Variants in ADAMTSL1 observed in about 807,000 individuals in gnomAD.
The protein encoded by ADAMTSL1 is ADAMTS like 1.
In ADAMTSL1, 126 loss-of-function variants were observed where a neutral mutation model predicts 201.8. That is an observed-to-expected ratio of 0.62 (90% CI 0.54 to 0.72). The LOEUF (loss-of-function observed/expected upper bound fraction) is 0.72, where lower values mean the gene tolerates loss of function less well. Ranked by LOEUF, ADAMTSL1 falls within the 30% of genes least tolerant of loss-of-function variation. The probability of loss-of-function intolerance (pLI) is 0.00; values close to 1 mark genes in which losing one functional copy is unlikely to be tolerated. For missense variants in ADAMTSL1, 2,679 were observed against 2,277.8 expected (o/e 1.18, Z -3.59); for synonymous variants, 1,121 against 903.4 (o/e 1.24, Z -4.32).
chr9:18,786,717 G>C (rs1216567391), intron 19 of ADAMTSL1, among the ~76,000 whole-genome samples: 1 of 152,126 alleles, frequency 6.6e-6, no homozygotes, highest in East Asian at 1.9e-4. Flanking sequence ...CAAAGAGTTG[G>C]GTTAGCAAGG....
intron 5 of ADAMTSL1, among the ~76,000 whole-genome samples, chr9:18,630,187 T>A (rs1161521480): frequency 6.6e-6 from 1 of 152,108 alleles, no homozygotes; most frequent in Non-Finnish European, 1.5e-5. Context: ...CCATGTTTGG[T>A]CTAGAGCTAA....
intron 2 of ADAMTSL1, among the ~76,000 whole-genome samples, chr9:18,329,749 C>T (rs575672909): frequency 5.3e-5 from 8 of 152,266 alleles, no homozygotes; most frequent in African/African-American, 1.9e-4. Context: ...GGTATTCATC[C>T]ATCAAAGCAT....
intron 2 of ADAMTSL1, among the ~76,000 whole-genome samples, chr9:18,387,826 CTCTGT>C (rs1216024166): frequency 6.6e-5 from 10 of 152,198 alleles, no homozygotes; most frequent in African/African-American, 2.2e-4. Context: ...TTCACATTTT[CTCTGT>C]TCTAATTTTT....
Position 18,514,098 on chromosome 9 carries a change from C to A in ADAMTSL1, c.191+9142C>A, listed in dbSNP as rs556120493. Among the ~76,000 whole-genome samples, 7 of 152,248 alleles carry A rather than the reference C, an allele frequency of 4.6e-5. No individual in the cohort carries two copies. In the East Asian group the frequency reaches 1.4e-3, roughly 29 times the overall value. On this transcript the variant is annotated intron_variant, in intron 2 of 28. Coordinates refer to ENST00000380548, the MANE Select transcript of ADAMTSL1 (RefSeq NM_001040272.6). ...ACATTGGGTAACATGGACATTTTAACAACATTACTCTTCCACTCCATGAAC... is the reference window on the plus strand; with the variant it reads ...ACATTGGGTAACATGGACATTTTAAAAACATTACTCTTCCACTCCATGAAC...
chr9:17,947,343 ACACC>A (rs1307383864), intron 1 of ADAMTSL1, among the ~76,000 whole-genome samples: 2 of 146,916 alleles, frequency 1.4e-5, no homozygotes, highest in African/African-American at 5.1e-5. Flanking sequence ...ACACACACAC[ACACC>A]CCACTATGCA....
chr9:18,669,461 T>C (rs1829677107), intron 9 of ADAMTSL1, among the ~76,000 whole-genome samples: 1 of 152,200 alleles, frequency 6.6e-6, no homozygotes. Context: ...AAAAAACTGT[T>C]TTCAGATCTG....
intron 7 of ADAMTSL1, among the ~76,000 whole-genome samples, chr9:18,642,219 G>T (rs938368431): frequency 6.6e-6 from 1 of 151,784 alleles, no homozygotes; most frequent in Non-Finnish European, 1.5e-5. Flanking sequence ...TTTCTTCAAG[G>T]CATGGCAGGA....
intron 19 of ADAMTSL1, among the ~76,000 whole-genome samples, chr9:18,785,396 G>C (rs1188112016): frequency 6.6e-6 from 1 of 152,138 alleles, no homozygotes; most frequent in Admixed American, 6.5e-5. Flanking sequence ...TTTAAAGATA[G>C]CCTTTTCTTC....
At chr9:17,934,124 A>G (rs1356771901) in intron 1 of ADAMTSL1, among the ~76,000 whole-genome samples, 1 of 152,178 alleles carries the variant, frequency 6.6e-6, no homozygotes, top group Non-Finnish European at 1.5e-5. Context: ...AGGACAAGGC[A>G]CTATCACCAT....
chr9:18,045,633 T>C (rs1821625441), intron 1 of ADAMTSL1, among the ~76,000 whole-genome samples: 1 of 152,120 alleles, frequency 6.6e-6, no homozygotes, highest in African/African-American at 2.4e-5. Context: ...TTCTCACATA[T>C]AGTGATAGGC....
intron 2 of ADAMTSL1, among the ~76,000 whole-genome samples, chr9:18,263,802 G>T (rs968420816): frequency 6.6e-6 from 1 of 152,108 alleles, no homozygotes; most frequent in Admixed American, 6.6e-5. Flanking sequence ...CCAAGGGAAG[G>T]CCACGTGAAC....
intron 1 of ADAMTSL1, among the ~76,000 whole-genome samples, chr9:18,063,115 G>A (rs1822534106): frequency 1.3e-5 from 2 of 152,108 alleles, no homozygotes; most frequent in African/African-American, 4.8e-5. Flanking sequence ...GATTGCTTGA[G>A]GCCAGGAGTT....
chr9:18,478,271 G>T (rs1298654286), intron 1 of ADAMTSL1, among the ~76,000 whole-genome samples: 1 of 152,110 alleles, frequency 6.6e-6, no homozygotes, highest in Admixed American at 6.5e-5. Flanking sequence ...TACTTGGGCT[G>T]TATTTTGCTT....
intron 2 of ADAMTSL1, among the ~76,000 whole-genome samples, chr9:18,439,516 G>A (rs187398655): frequency 1.7e-3 from 259 of 152,106 alleles, no homozygotes; most frequent in African/African-American, 6.1e-3. Context: ...ACAGGTGCGC[G>A]CCACCACACC....
chr9:18,777,191 C>T lies in ADAMTSL1; in HGVS notation c.2962C>T (p.Pro988Ser), dbSNP rs780015402. 6.2e-7 allele frequency: 1 copy of T among 1,612,878 alleles called. No individual in the cohort carries two copies. Among genetic ancestry groups the T allele is most frequent in the Non-Finnish European group, 8.5e-7 (1 of 1,179,804 alleles). The change falls in exon 19 of 29, where the codon CCG (proline) becomes TCG (serine). Residue 988 changes from proline (P) to serine (S), a missense_variant. By Grantham distance (74) the Pro-to-Ser change is moderately conservative. Transcript: ENST00000380548. The part of the protein sequence containing the change: ...EEVLAGRKGG[P>S]KEALQTHKHQ... ...GGTGCTTGCGGGGAGGAAGGGCGGC[C>T]CGAAGGAGGCCCTGCAGACCCACAA...
intron 3 of ADAMTSL1, among the ~76,000 whole-genome samples, chr9:18,570,202 C>T (rs147353984): frequency 4.7e-5 from 7 of 147,646 alleles, no homozygotes; most frequent in South Asian, 2.1e-4. Context: ...GAATGAAGGG[C>T]GAGACCCCAT....
chr9:18,306,150 CA>C (rs1163238875), intron 2 of ADAMTSL1, among the ~76,000 whole-genome samples: 1 of 152,032 alleles, frequency 6.6e-6, no homozygotes, highest in Admixed American at 6.5e-5. Context: ...GCGTCAACAT[CA>C]ACAAAAAAGA....
intron 20 of ADAMTSL1, among the ~76,000 whole-genome samples, chr9:18,798,521 A>C (rs1822573986): frequency 6.6e-6 from 1 of 152,242 alleles, no homozygotes; most frequent in Admixed American, 6.5e-5. Context: ...ACAAAAGCCA[A>C]CTTATGTTTA....
intron 6 of ADAMTSL1, among the ~76,000 whole-genome samples, chr9:18,636,378 A>G (rs1394968560): frequency 6.6e-6 from 1 of 151,412 alleles, no homozygotes; most frequent in African/African-American, 2.4e-5. Flanking sequence ...CTTCTAACCC[A>G]CTTCTCTTTT....
Sources: gnomAD v4.1 joint callset for allele counts (sites outside exome capture counted in the v4.1 genomes callset) on GRCh38, gnomAD v4.1.1 for gene constraint, MANE v1.5 for transcripts, NCBI Gene and HGNC (gene_info 2026-07-23, HGNC 2026-07-21) for gene names.